TRPC1: variants seen among roughly 807,000 people sequenced by gnomAD.
The protein encoded by TRPC1 is short transient receptor potential channel 1.
A neutral mutation model predicts 88.2 loss-of-function variants in TRPC1; 42 were observed. The ratio of observed to expected loss-of-function variants is 0.48; its 90% CI spans 0.37 to 0.62. The LOEUF is 0.62. Among genes scored for constraint, TRPC1 ranks in the 20% least tolerant of loss-of-function variants. The pLI is 0.00. For synonymous variants in TRPC1, 288 were observed against 331.8 expected (o/e 0.87, Z 1.43); for missense variants, 699 against 957.3 (o/e 0.73, Z 3.56).
At chr3:142,730,905 A>T (rs1052688090) in intron 1 of TRPC1, among the ~76,000 whole-genome samples, 1 of 152,276 alleles carries the variant, frequency 6.6e-6, no homozygotes, top group East Asian at 1.9e-4. Flanking sequence ...TTCACAACTA[A>T]CTTCAAATTT....
At chr3:142,775,053 T>G (rs1257666902) in intron 4 of TRPC1, among the ~76,000 whole-genome samples, 3 of 152,208 alleles carry the variant, frequency 2.0e-5, no homozygotes, top group Non-Finnish European at 4.4e-5. Flanking sequence ...ATGGATAAGT[T>G]GCACAATTAC....
chr3:142,785,034 A>G lies in TRPC1; in HGVS notation c.1291A>G (p.Ile431Val). 6.3e-7 allele frequency: 1 copy of G among 1,596,234 alleles called. No homozygotes were observed. The highest frequency in any genetic ancestry group is 1.7e-4 in the Middle Eastern group (1 of 5,872). ...AATAGACTATCTTCTTATTCTGTGG[A>G]TTATTGGTAAGTATCAAGTTAGTTT... ...ERIDYLLILWIIGMIWSDIKR... is the reference protein window; with the variant it reads ...ERIDYLLILWVIGMIWSDIKR... The change falls in exon 7 of 13, where the codon ATT becomes GTT. Residue 431 changes from isoleucine (I) to valine (V), a missense_variant. This residue lies in a region of TRPC1 where 426 missense variants were observed against 641.3 expected (regional missense o/e 0.66). Transcript: ENST00000476941.
chr3:142,742,287 G>A (rs1411061001), intron 2 of TRPC1, among the ~76,000 whole-genome samples: 1 of 152,118 alleles, frequency 6.6e-6, no homozygotes, highest in African/African-American at 2.4e-5. Flanking sequence ...TTGCAAAGCA[G>A]AGTAATAATG....
intron 1 of TRPC1, among the ~76,000 whole-genome samples, chr3:142,725,816 C>G (rs1933650710): frequency 6.6e-6 from 1 of 152,118 alleles, no homozygotes; most frequent in Non-Finnish European, 1.5e-5. Context: ...AAATGACAGC[C>G]TTCCTAACCT....
intron 4 of TRPC1, among the ~76,000 whole-genome samples, chr3:142,775,034 T>C (rs991690411): frequency 6.6e-6 from 1 of 152,200 alleles, no homozygotes; most frequent in African/African-American, 2.4e-5. Flanking sequence ...AATGTAGACA[T>C]TGTTGGAAAT....
At chr3:142,734,758 C>T (rs931166309) in intron 1 of TRPC1, among the ~76,000 whole-genome samples, 3 of 151,462 alleles carry the variant, frequency 2.0e-5, no homozygotes, top group East Asian at 1.9e-4. Flanking sequence ...GGCAACATAG[C>T]GAGACCTCAT....
rs1265444178 is a variant in TRPC1 at position 142,776,940 on chromosome 3, GAGAA to G, written c.633-686_633-683del. Among the ~76,000 whole-genome samples, 14 of 151,936 alleles carry G rather than the reference GAGAA, an allele frequency of 9.2e-5. No homozygotes were observed. Among genetic ancestry groups the G allele is most frequent in the South Asian group, 2.1e-4 (1 of 4,812 alleles). On this transcript the variant is annotated intron_variant, in intron 4 of 12. Transcript: ENST00000476941. This position sits in a 1 kb window ranked among gnomAD's most constrained non-coding sequence, Gnocchi z 4.1. ...AAAAAAAGTATTTTTATTACTGAGA[GAGAA>G]AGAAAAGATTTATTAGTCATCAAAT...
chr3:142,802,419 CTA>C (rs1578014460), intron 10 of TRPC1, 75 bp downstream of exon 10: 1 of 1,051,016 alleles, frequency 9.5e-7, no homozygotes, highest in East Asian at 3.2e-5. Context: ...GAATTAGTAT[CTA>C]TAGAAATGGA....
intron 1 of TRPC1, among the ~76,000 whole-genome samples, chr3:142,733,299 G>A (rs528017226): frequency 6.6e-6 from 1 of 152,110 alleles, no homozygotes; most frequent in Non-Finnish European, 1.5e-5. Flanking sequence ...ATCACTTGAG[G>A]TCAGGAGTTC....
Position 142,777,723 on chromosome 3 carries a change from G to T in TRPC1, c.724G>T (p.Ala242Ser). Residue 242 changes from alanine to serine, a missense_variant, in exon 5 of 13, where the codon GCT becomes TCT. By Grantham distance (99) the Ala-to-Ser change is moderately conservative (BLOSUM62 1). Around this residue, in one of 4 missense-constraint regions of TRPC1, gnomAD observed 426 missense variants for 641.3 expected, o/e 0.66. Transcript: ENST00000476941. ...DPILRAFELSADLKELSLVEV... is the reference protein window; with the variant it reads ...DPILRAFELSSDLKELSLVEV... Reference sequence around the variant, plus strand: ...AATTCTGAGAGCATTTGAACTTAGTGCTGATTTAAAAGAACTAAGTCTTGT... The same window carrying T: ...AATTCTGAGAGCATTTGAACTTAGTTCTGATTTAAAAGAACTAAGTCTTGT... 2 of 1,613,068 alleles carry T rather than the reference G, an allele frequency of 1.2e-6. No homozygotes were observed. The highest frequency in any genetic ancestry group is 2.2e-5 in the East Asian group (1 of 44,810).
chr3:142,786,042 C>T (rs932571150), intron 7 of TRPC1, among the ~76,000 whole-genome samples: 4 of 152,060 alleles, frequency 2.6e-5, no homozygotes, highest in African/African-American at 4.8e-5. Flanking sequence ...AATTTTTACT[C>T]GTCTTGCCTT....
chr3:142,780,737 G>A (rs1231220249), intron 5 of TRPC1, 97 bp from the exon 6 acceptor site: 1 of 1,227,708 alleles, frequency 8.1e-7, no homozygotes, highest in Non-Finnish European at 1.1e-6. Context: ...AACACTGTCA[G>A]AATTAAAATG....
At chr3:142,800,925 A>G (rs1015166637) in intron 9 of TRPC1, among the ~76,000 whole-genome samples, 7 of 151,710 alleles carry the variant, frequency 4.6e-5, no homozygotes, top group African/African-American at 1.5e-4. Flanking sequence ...AAAGAAAGAA[A>G]AAAAAAAAAA....
intron 4 of TRPC1, among the ~76,000 whole-genome samples, chr3:142,763,431 T>C (rs1210942666): frequency 1.3e-5 from 2 of 152,054 alleles, no homozygotes; most frequent in Admixed American, 6.5e-5. Flanking sequence ...CCTTTATCAT[T>C]ATATAGTGAC....
At chr3:142,725,982 A>G (rs773215078) in intron 1 of TRPC1, among the ~76,000 whole-genome samples, 4 of 152,200 alleles carry the variant, frequency 2.6e-5, no homozygotes, top group Non-Finnish European at 5.9e-5. Context: ...TAATATTGTT[A>G]AAGTACACCA....
In TRPC1 at chr3:142,791,166, T is replaced by C; in HGVS notation, c.1437+8T>C. 6.3e-7 allele frequency: 1 copy of C among 1,591,266 alleles called. No individual in the cohort carries two copies. The highest frequency in any genetic ancestry group is 1.2e-5 in the South Asian group (1 of 85,900). ...GTGGTTGCTCACAACAAGGTGACTA[T>C]TTACTATGTCAATTGAAGGCACAAA... On this transcript the variant is annotated splice_region_variant and intron_variant, in intron 8 of 12. Coordinates refer to ENST00000476941, the MANE Select transcript of TRPC1 (RefSeq NM_001251845.2).
At position 142,806,819 on chromosome 3, in the gene TRPC1, TCA is replaced by T. The variant is rs1936808698; in HGVS notation, c.*585_*586del. The T allele has an allele frequency of 6.6e-6, 1 of 152,060 alleles. No individual in the cohort carries two copies. The highest frequency in any genetic ancestry group is 1.5e-5 in the Non-Finnish European group (1 of 67,976). The allele number at this position is 152,060 out of a possible 1,614,324, so 9.4% of individuals were successfully genotyped here. ...TTATGTCTTTCAATTTAAATTCACT[TCA>T]GTTTTTGTTATTGTAATATATTTAC... On this transcript the variant is annotated 3_prime_UTR_variant, in exon 13 of 13. Coordinates refer to ENST00000476941, the MANE Select transcript of TRPC1 (RefSeq NM_001251845.2).
At chr3:142,788,443 G>A (rs543504382) in intron 7 of TRPC1, among the ~76,000 whole-genome samples, 1 of 152,130 alleles carries the variant, frequency 6.6e-6, no homozygotes, top group African/African-American at 2.4e-5. Flanking sequence ...TCTTTTGGAA[G>A]AGTACTAGGC....
chr3:142,726,978 C>T (rs916214549), intron 1 of TRPC1, among the ~76,000 whole-genome samples: 1 of 152,082 alleles, frequency 6.6e-6, no homozygotes, highest in Admixed American at 6.5e-5. Flanking sequence ...ATTACTTTGC[C>T]CAAGGTTACA....
Sources: gnomAD v4.1 joint callset for allele counts (sites outside exome capture counted in the v4.1 genomes callset) on GRCh38, gnomAD v4.1.1 for gene constraint, gnomAD v4.1.1 regional missense constraint, Gnocchi (gnomAD v3.1) non-coding constraint, MANE v1.5 for transcripts, NCBI Gene and HGNC (gene_info 2026-07-23, HGNC 2026-07-21) for gene names.